FAM13B: variants seen among roughly 807,000 people sequenced by gnomAD.
FAM13B encodes the protein protein FAM13B.
A neutral mutation model predicts 117.3 loss-of-function variants in FAM13B; 60 were observed. The ratio of observed to expected loss-of-function variants is 0.51; its 90% CI spans 0.42 to 0.63. The LOEUF is 0.63. Among genes scored for constraint, FAM13B ranks in the 30% least tolerant of loss-of-function variants. FAM13B has a pLI of 0.00. For synonymous variants in FAM13B, 332 were observed against 356.1 expected, an observed-to-expected ratio of 0.93 and a Z score of 0.76; for missense variants, 972 against 1,091.9, an observed-to-expected ratio of 0.89 and a Z score of 1.55.
chr5:137,963,410 A>G (rs1283904393), intron 10 of FAM13B, among the ~76,000 whole-genome samples: 1 of 152,256 alleles, frequency 6.6e-6, no homozygotes, highest in Non-Finnish European at 1.5e-5. Context: ...TATTGTGGAA[A>G]AGAGCAACCT....
At chr5:138,009,142 A>G (rs1783303596) in intron 6 of FAM13B, among the ~76,000 whole-genome samples, 2 of 152,246 alleles carry the variant, frequency 1.3e-5, no homozygotes, top group Non-Finnish European at 2.9e-5. Context: ...TTTGTCTCAA[A>G]AACAAAAACA....
intron 7 of FAM13B, among the ~76,000 whole-genome samples, chr5:138,005,228 C>T (rs1362060034): frequency 2.0e-5 from 3 of 152,150 alleles, no homozygotes; most frequent in African/African-American, 7.2e-5. Context: ...CAGGGTGAGA[C>T]TCTGGTCTCA....
At chr5:137,973,395 A>T (rs71589391) in intron 10 of FAM13B, among the ~76,000 whole-genome samples, 17,869 of 151,454 alleles carry the variant, frequency 0.12, 1,594 homozygotes, top group East Asian at 0.35. Flanking sequence ...CTGGGAAAAC[A>T]GGCTAGCCAT....
intron 1 of FAM13B, among the ~76,000 whole-genome samples, chr5:138,049,855 GTGGCTCA>G (rs1442840727): frequency 2.1e-4 from 32 of 152,218 alleles, no homozygotes; most frequent in Middle Eastern, 3.2e-3. Context: ...GCCAGGCACA[GTGGCTCA>G]TGTCTGTTAT....
chr5:137,944,886 G>C (rs1763015234), intron 20 of FAM13B, among the ~76,000 whole-genome samples: 1 of 151,576 alleles, frequency 6.6e-6, no homozygotes. Context: ...TCTATAAGTG[G>C]GAGCTAAACA....
chr5:138,007,037 T>G lies in FAM13B; in HGVS notation c.801A>C (p.Leu267Phe). ...KSNDMPEVVQ[L>F]RMTENILESN... ...ATTCCAGGATGTTTTCAGTCATCCT[T>G]AATTGTACCACCTCTGGCATGTCAT... is the stretch of plus-strand genomic sequence containing the variant. The change falls in exon 7 of 24, where the codon TTA (leucine) becomes TTC (phenylalanine). Residue 267 changes from leucine to phenylalanine, a missense_variant. Transcript: ENST00000689681. 6.2e-7 allele frequency: 1 copy of G among 1,613,324 alleles called. No homozygotes were observed. The highest frequency in any genetic ancestry group is 8.5e-7 in the Non-Finnish European group (1 of 1,179,794).
intron 10 of FAM13B, among the ~76,000 whole-genome samples, chr5:137,972,364 C>A (rs1163894293): frequency 6.6e-6 from 1 of 151,950 alleles, no homozygotes; most frequent in African/African-American, 2.4e-5. Flanking sequence ...ACAAAAACCA[C>A]GATTATCTCA....
At position 137,939,189 on chromosome 5, in the gene FAM13B, T is replaced by C. The variant is rs1320048505; in HGVS notation, c.*1036A>G. On this transcript the variant is annotated 3_prime_UTR_variant, in exon 24 of 24. Transcript: ENST00000689681. ...TCCCTTAAGAGGGCGTTGTTGTCGTTGTTTTGGTATGGATTTTGCTGATTA... is the reference window on the plus strand; with the variant it reads ...TCCCTTAAGAGGGCGTTGTTGTCGTCGTTTTGGTATGGATTTTGCTGATTA... 1 of 152,336 alleles carries C rather than the reference T, an allele frequency of 6.6e-6. No individual in the cohort carries two copies. The highest frequency in any genetic ancestry group is 1.5e-5 in the Non-Finnish European group (1 of 68,018). 9.4% of individuals were successfully genotyped at this position (152,336 alleles called of 1,614,324 possible).
upstream of FAM13B, chr5:138,037,243 T>C (rs1053161118): frequency 1.0e-4 from 16 of 152,578 alleles, no homozygotes; most frequent in African/African-American, 3.9e-4. Context: ...GATGAGGCCA[T>C]GCCAGGAAAA....
chr5:138,042,412 G>T (rs1426984147), intron 1 of FAM13B, among the ~76,000 whole-genome samples: 1 of 152,070 alleles, frequency 6.6e-6, no homozygotes, highest in African/African-American at 2.4e-5. Context: ...TTAACCTAGG[G>T]GGAAGTTGCA....
chr5:138,027,078 C>T (rs553371881), intron 1 of FAM13B, among the ~76,000 whole-genome samples: 132 of 152,128 alleles, frequency 8.7e-4, no homozygotes, highest in Non-Finnish European at 1.2e-3. Context: ...GAGGCTGTAG[C>T]GAGCTGTGAC....
chr5:137,973,023 G>A (rs1772760968), intron 10 of FAM13B, among the ~76,000 whole-genome samples: 1 of 152,040 alleles, frequency 6.6e-6, no homozygotes. Context: ...CATGAAAATG[G>A]CCATACTGCC....
chr5:138,011,422 CTTT>C (rs1215771958), intron 5 of FAM13B, among the ~76,000 whole-genome samples: 1 of 145,002 alleles, frequency 6.9e-6, no homozygotes, highest in Admixed American at 6.9e-5. Context: ...TCTAATTTTT[CTTT>C]TTTTTTTTTA....
Position 138,032,919 on chromosome 5 carries a change from G to T in FAM13B, c.-340C>A. 1.0e-6 allele frequency: 1 copy of T among 985,860 alleles called. No homozygotes were observed. The highest frequency in any genetic ancestry group is 1.2e-6 in the Non-Finnish European group (1 of 830,126). 61.1% of individuals were successfully genotyped at this position (985,860 alleles called of 1,614,324 possible). Reference sequence around the variant, plus strand: ...TTCCTGGGGCGGCCGCTGACGGGAGGTTAAAGCTACGGCTGTGGCGCGGGG... The same window carrying T: ...TTCCTGGGGCGGCCGCTGACGGGAGTTTAAAGCTACGGCTGTGGCGCGGGG... On this transcript the variant is annotated 5_prime_UTR_variant, in exon 1 of 24. Coordinates refer to ENST00000689681, the MANE Select transcript of FAM13B (RefSeq NM_001385994.1).
intron 6 of FAM13B, among the ~76,000 whole-genome samples, chr5:138,008,995 T>C (rs957212165): frequency 6.6e-6 from 1 of 152,102 alleles, no homozygotes; most frequent in Non-Finnish European, 1.5e-5. Context: ...ATACAAAAAT[T>C]AGCCGGATGT....
At chr5:138,030,773 C>G (rs1185299838) in intron 1 of FAM13B, among the ~76,000 whole-genome samples, 1 of 143,296 alleles carries the variant, frequency 7.0e-6, no homozygotes, top group Non-Finnish European at 1.5e-5. Flanking sequence ...GTGGCTCACA[C>G]CTGTAATCCC....
At chr5:137,985,726 A>G (rs1777037672) in intron 9 of FAM13B, among the ~76,000 whole-genome samples, 2 of 152,226 alleles carry the variant, frequency 1.3e-5, no homozygotes, top group South Asian at 4.1e-4. Context: ...GATCAAATAC[A>G]AGTCCAGTAC....
chr5:137,985,061 A>G (rs1245114270), intron 10 of FAM13B, among the ~76,000 whole-genome samples, 196 bp downstream of exon 10: 5 of 152,078 alleles, frequency 3.3e-5, no homozygotes, highest in South Asian at 2.1e-4. Flanking sequence ...GAGCCACCAC[A>G]CCCAGCCAAT....
chr5:137,959,754 T>C lies in FAM13B; in HGVS notation c.1303A>G (p.Ser435Gly). 1 of 1,613,664 alleles carries C rather than the reference T, an allele frequency of 6.2e-7. No homozygotes were observed. Among genetic ancestry groups the C allele is most frequent in the Non-Finnish European group, 8.5e-7 (1 of 1,179,712 alleles). Residue 435 changes from serine (S) to glycine (G), a missense_variant, in exon 13 of 24, where the codon AGC (serine) becomes GGC (glycine). Ser to Gly is a moderately conservative substitution (Grantham distance 56). Coordinates refer to ENST00000689681, the MANE Select transcript of FAM13B (RefSeq NM_001385994.1). ...TTGGCATTCAAATCACATATCTTGC[T>C]ACTAGAATCCTGTATTTTAAAATAA... ...KLSHLILDSSSKICDLNANTE... is the reference protein window; with the variant it reads ...KLSHLILDSSGKICDLNANTE...
Sources: allele counts gnomAD v4.1 joint callset (sites outside exome capture counted in the v4.1 genomes callset), GRCh38; gene constraint gnomAD v4.1.1; transcripts MANE v1.5; gene names NCBI Gene and HGNC (gene_info 2026-07-23, HGNC 2026-07-21).